The following GALNT17 variants were observed in gnomAD, a reference collection of about 807,000 sequenced individuals.
GALNT17 encodes the protein polypeptide N-acetylgalactosaminyltransferase 17.
A neutral mutation model predicts 63.7 loss-of-function variants in GALNT17; 29 were observed. The ratio of observed to expected loss-of-function variants is 0.46; its 90% CI spans 0.34 to 0.62. The LOEUF (loss-of-function observed/expected upper bound fraction) is 0.62, where lower values mean the gene tolerates loss of function less well. Among genes scored for constraint, GALNT17 ranks in the 20% least tolerant of loss-of-function variants. The pLI, the probability that GALNT17 is intolerant of heterozygous loss-of-function variation, is 0.01. For synonymous variants in GALNT17, 305 were observed against 318.3 expected, an observed-to-expected ratio of 0.96 and a Z score of 0.45; for missense variants, 603 against 799.6, an observed-to-expected ratio of 0.75 and a Z score of 2.97.
At chr7:71,441,636 C>T (rs1183321000) in intron 5 of GALNT17, among the ~76,000 whole-genome samples, 2 of 152,106 alleles carry the variant, frequency 1.3e-5, no homozygotes, top group Non-Finnish European at 2.9e-5. Flanking sequence ...TCCCTCCCTT[C>T]GCCCCTCACC....
intron 1 of GALNT17, among the ~76,000 whole-genome samples, chr7:71,247,023 C>T (rs549982907): frequency 2.0e-5 from 3 of 152,060 alleles, no homozygotes; most frequent in Non-Finnish European, 1.5e-5. Context: ...GATCTACTTG[C>T]CTCAGCCTCC....
intron 3 of GALNT17, among the ~76,000 whole-genome samples, chr7:71,412,084 G>A (rs147517082): frequency 9.9e-5 from 15 of 152,232 alleles, no homozygotes; most frequent in Non-Finnish European, 1.6e-4. Flanking sequence ...CGTCTGTACC[G>A]CCTTGAGTAT....
At chr7:71,631,727 A>C (rs1790455183) in intron 6 of GALNT17, among the ~76,000 whole-genome samples, 1 of 150,204 alleles carries the variant, frequency 6.7e-6, no homozygotes, top group Non-Finnish European at 1.5e-5. Flanking sequence ...CTTGGTGTGT[A>C]CTCTGAGTAG....
chr7:71,547,461 T>G (rs1789005172), intron 5 of GALNT17, among the ~76,000 whole-genome samples: 1 of 152,014 alleles, frequency 6.6e-6, no homozygotes, highest in Non-Finnish European at 1.5e-5. Flanking sequence ...GCCCAGCTAA[T>G]TTTTAGTAGA....
At chr7:71,494,448 C>G (rs140644488) in intron 5 of GALNT17, among the ~76,000 whole-genome samples, 1 of 152,054 alleles carries the variant, frequency 6.6e-6, no homozygotes, top group African/African-American at 2.4e-5. Flanking sequence ...GTGGTTCATA[C>G]GATCCTCCTG....
At chr7:71,340,721 G>A (rs977406571) in intron 2 of GALNT17, among the ~76,000 whole-genome samples, 4 of 152,092 alleles carry the variant, frequency 2.6e-5, no homozygotes, top group Admixed American at 1.3e-4. Context: ...TAAACCAAGA[G>A]CAAATAGATA....
At chr7:71,684,347 G>C (rs1479986089) in intron 9 of GALNT17, among the ~76,000 whole-genome samples, 2 of 152,324 alleles carry the variant, frequency 1.3e-5, no homozygotes, top group East Asian at 3.9e-4. Flanking sequence ...AGGGGGCTAG[G>C]GGTAGTGCTG....
At chr7:71,418,404 T>G (rs1285229022) in intron 4 of GALNT17, among the ~76,000 whole-genome samples, 1 of 152,190 alleles carries the variant, frequency 6.6e-6, no homozygotes, top group Non-Finnish European at 1.5e-5. Context: ...CCAGTCACAA[T>G]GACTTACAAC....
At chr7:71,689,000 A>G (rs979205626) in intron 9 of GALNT17, among the ~76,000 whole-genome samples, 1 of 152,130 alleles carries the variant, frequency 6.6e-6, no homozygotes, top group African/African-American at 2.4e-5. Flanking sequence ...CAATATTTCA[A>G]ACTTTTTCAT....
Position 71,525,932 on chromosome 7 carries a change from A to G in GALNT17, c.963-45353A>G, listed in dbSNP as rs544979180. Among the ~76,000 whole-genome samples the G allele has an allele frequency of 9.3e-5, 14 of 150,764 alleles. No homozygotes were observed. In the East Asian group the frequency reaches 1.8e-3, roughly 19 times the overall value. ...TTTTTGTATTTTTAGTAGAAACAGG[A>G]TTTTGCCATGTTGGCCAGGCTCATC... On this transcript the variant is annotated intron_variant, in intron 5 of 10. Coordinates refer to ENST00000333538, the MANE Select transcript of GALNT17 (RefSeq NM_022479.3).
intron 3 of GALNT17, among the ~76,000 whole-genome samples, chr7:71,397,295 A>G (rs1480821271): frequency 6.6e-6 from 1 of 152,152 alleles, no homozygotes; most frequent in Non-Finnish European, 1.5e-5. Context: ...ATAGTGGGCT[A>G]TTGTGTGGAC....
At chr7:71,609,467 C>A (rs909600064) in intron 6 of GALNT17, among the ~76,000 whole-genome samples, 1 of 152,122 alleles carries the variant, frequency 6.6e-6, no homozygotes, top group Non-Finnish European at 1.5e-5. Context: ...GTTGTTCCAC[C>A]ATTCTTAACT....
chr7:71,523,316 CT>C (rs1356422589), intron 5 of GALNT17, among the ~76,000 whole-genome samples: 1 of 152,112 alleles, frequency 6.6e-6, no homozygotes, highest in Non-Finnish European at 1.5e-5. Flanking sequence ...GTGGCCCCAG[CT>C]ACTCAGGAAG....
intron 1 of GALNT17, among the ~76,000 whole-genome samples, chr7:71,133,703 G>C (rs1787730634): frequency 6.6e-6 from 1 of 152,154 alleles, no homozygotes; most frequent in South Asian, 2.1e-4. Context: ...CATCCCATTA[G>C]TGACAGTTGT....
chr7:71,573,156 G>A (rs1027872882), intron 6 of GALNT17, among the ~76,000 whole-genome samples: 56 of 150,976 alleles, frequency 3.7e-4, no homozygotes, highest in South Asian at 8.4e-4. Flanking sequence ...TTACAGGCAC[G>A]TGCCACTGCA....
chr7:71,377,263 A>G (rs2116304245), intron 2 of GALNT17, among the ~76,000 whole-genome samples: 1 of 151,242 alleles, frequency 6.6e-6, no homozygotes, highest in African/African-American at 2.4e-5. Flanking sequence ...GCTAAAGGCA[A>G]TTACCTCATC....
At chr7:71,138,037 A>T (rs1178784227) in intron 1 of GALNT17, among the ~76,000 whole-genome samples, 1 of 152,232 alleles carries the variant, frequency 6.6e-6, no homozygotes, top group Non-Finnish European at 1.5e-5. Flanking sequence ...AGCTAAAGAA[A>T]AGGAAATGTT....
intron 1 of GALNT17, among the ~76,000 whole-genome samples, chr7:71,202,742 G>T (rs28454261): frequency 0.013 from 2,009 of 152,098 alleles, 41 homozygotes; most frequent in African/African-American, 0.046. Context: ...TATCCCTCCC[G>T]TCAAACCGAA....
At chr7:71,661,141 A>G (rs1790901795) in intron 6 of GALNT17, among the ~76,000 whole-genome samples, 2 of 152,220 alleles carry the variant, frequency 1.3e-5, no homozygotes, top group Non-Finnish European at 2.9e-5. Context: ...CCAGGCACCC[A>G]GAGTGAGGGA....
Sources: allele counts gnomAD v4.1 joint callset (sites outside exome capture counted in the v4.1 genomes callset), GRCh38; gene constraint gnomAD v4.1.1; transcripts MANE v1.5; gene names NCBI Gene and HGNC (gene_info 2026-07-23, HGNC 2026-07-21).